Variants in PPP1R12B observed in about 807,000 individuals in gnomAD.
The protein encoded by PPP1R12B is protein phosphatase 1 regulatory subunit 12B.
PPP1R12B carries 76 observed loss-of-function variants against 126.1 expected under a neutral mutation model. That is an observed-to-expected ratio of 0.60 (90% CI 0.50 to 0.73). PPP1R12B has a LOEUF of 0.73. Ranked by LOEUF, PPP1R12B falls within the 30% of genes least tolerant of loss-of-function variation. The probability of loss-of-function intolerance (pLI) is 0.00; values close to 1 mark genes in which losing one functional copy is unlikely to be tolerated. For missense variants in PPP1R12B, 1,052 were observed against 1,205.1 expected, an observed-to-expected ratio of 0.87 and a Z score of 1.88; for synonymous variants, 356 against 434.7, an observed-to-expected ratio of 0.82 and a Z score of 2.25.
At chr1:202,471,912 C>A in intron 13 of PPP1R12B, 1 of 1,596,440 alleles carries the variant, frequency 6.3e-7, no homozygotes, top group Non-Finnish European at 8.5e-7. Context: ...CCTTGCTTTT[C>A]CTCCCGTAGG....
chr1:202,543,796 C>T (rs188680270), intron 18 of PPP1R12B, among the ~76,000 whole-genome samples: 76 of 152,244 alleles, frequency 5.0e-4, no homozygotes, highest in African/African-American at 1.8e-3. Flanking sequence ...TTCATCCATC[C>T]TTTTGGCATG....
intron 18 of PPP1R12B, among the ~76,000 whole-genome samples, chr1:202,524,395 G>C (rs536141484): frequency 6.6e-6 from 1 of 152,184 alleles, no homozygotes; most frequent in East Asian, 1.9e-4. Context: ...ATAGATTTTG[G>C]GGGAACAGGT....
At chr1:202,515,769 G>A (rs550505641) in intron 18 of PPP1R12B, among the ~76,000 whole-genome samples, 2 of 152,210 alleles carry the variant, frequency 1.3e-5, no homozygotes, top group Non-Finnish European at 2.9e-5. Context: ...TGCCTAGGCT[G>A]GTCTCAAACT....
intron 1 of PPP1R12B, among the ~76,000 whole-genome samples, chr1:202,376,882 C>G (rs899369396): frequency 6.6e-6 from 1 of 152,198 alleles, no homozygotes; most frequent in African/African-American, 2.4e-5. Context: ...CAACCTATGG[C>G]CCCTGAGGCC....
rs1192110653 is a variant in PPP1R12B, at chr1:202,495,620, C to T, written c.2386C>T (p.Arg796Ter). Residue 796 changes from arginine (R) to a stop codon, truncating the protein, a stop_gained, in exon 17 of 24, where the codon CGA becomes TGA. Coordinates refer to ENST00000608999, the MANE Select transcript of PPP1R12B (RefSeq NM_002481.4). LOFTEE classifies it high-confidence loss of function. ...DEQSSKRLSI[R>*]ERRRPKERRR... Reference sequence around the variant, plus strand: ...GCAGTCCTCTAAGAGGCTGTCCATCCGAGAGAGGAGGCGGCCCAAGGAACG... The same window carrying T: ...GCAGTCCTCTAAGAGGCTGTCCATCTGAGAGAGGAGGCGGCCCAAGGAACG... The T allele has an allele frequency of 6.2e-6, 10 of 1,613,946 alleles. No homozygotes were observed. Among genetic ancestry groups the T allele is most frequent in the African/African-American group, 1.3e-5 (1 of 74,884 alleles).
chr1:202,377,697 A>G (rs1368273125), intron 1 of PPP1R12B, among the ~76,000 whole-genome samples: 2 of 152,192 alleles, frequency 1.3e-5, no homozygotes, highest in African/African-American at 2.4e-5. Flanking sequence ...ACAGTAGCTT[A>G]TTAGCCTCTA....
rs1270020214 is a variant in PPP1R12B at position 202,586,446 on chromosome 1, C to A, written c.*5886C>A. 1 of 152,228 alleles carries A rather than the reference C, an allele frequency of 6.6e-6. No homozygotes were observed. The highest frequency in any genetic ancestry group is 6.5e-5 in the Admixed American group (1 of 15,284). 9.4% of individuals were successfully genotyped at this position (152,228 alleles called of 1,614,324 possible). A position where few individuals can be genotyped will look rare whatever the true frequency, so the allele number is the denominator to read the frequency against. ...GTTCTGTCTCACTGGTGACTTCATC[C>A]CTCAGGCTCCAGCTGAGCAGAGATT... On this transcript the variant is annotated 3_prime_UTR_variant, in exon 24 of 24. Transcript: ENST00000608999.
At chr1:202,495,270 C>G in intron 15 of PPP1R12B, 23 bp from the exon 16 acceptor site, 1 of 1,527,570 alleles carries the variant, frequency 6.5e-7, no homozygotes, top group Non-Finnish European at 8.8e-7. Context: ...TTTCTAATAT[C>G]TCATATTGTG....
chr1:202,371,300 C>T (rs1230289105), intron 1 of PPP1R12B, among the ~76,000 whole-genome samples: 3 of 151,362 alleles, frequency 2.0e-5, no homozygotes, highest in Non-Finnish European at 4.4e-5. Flanking sequence ...GGATTACAGG[C>T]GTGAGCCACT....
intron 1 of PPP1R12B, among the ~76,000 whole-genome samples, chr1:202,365,422 C>T (rs1273745614): frequency 6.6e-6 from 1 of 151,224 alleles, no homozygotes; most frequent in Non-Finnish European, 1.5e-5. Flanking sequence ...CAGAGTGAGA[C>T]AGTCTCTAAA....
intron 18 of PPP1R12B, among the ~76,000 whole-genome samples, chr1:202,534,274 C>T (rs924195740): frequency 6.6e-6 from 1 of 152,140 alleles, no homozygotes; most frequent in Non-Finnish European, 1.5e-5. Flanking sequence ...CACAAGAGAT[C>T]AGGCTCATTT....
intron 18 of PPP1R12B, among the ~76,000 whole-genome samples, chr1:202,497,542 T>C (rs1041930307): frequency 1.3e-5 from 2 of 152,242 alleles, no homozygotes; most frequent in Admixed American, 6.5e-5. Context: ...TCAGAGTATA[T>C]TTAATAACCT....
intron 8 of PPP1R12B, 80 bp downstream of exon 8, chr1:202,431,699 G>A: frequency 7.3e-7 from 1 of 1,366,378 alleles, no homozygotes; most frequent in South Asian, 1.6e-5. Context: ...AGCTAGCCAG[G>A]CCTCACAGGA....
intron 23 of PPP1R12B, among the ~76,000 whole-genome samples, chr1:202,571,708 G>A (rs1046049717): frequency 2.0e-5 from 3 of 152,116 alleles, no homozygotes; most frequent in Non-Finnish European, 2.9e-5. Context: ...CACCCACCTC[G>A]GCCTCCCAAA....
chr1:202,396,328 A>G (rs1330316165), intron 1 of PPP1R12B, among the ~76,000 whole-genome samples: 1 of 152,122 alleles, frequency 6.6e-6, no homozygotes, highest in Non-Finnish European at 1.5e-5. Flanking sequence ...ATGTTACTTA[A>G]TCTTCTAAAA....
chr1:202,368,597 C>T (rs1659693978), intron 1 of PPP1R12B, among the ~76,000 whole-genome samples: 2 of 152,172 alleles, frequency 1.3e-5, no homozygotes, highest in Non-Finnish European at 2.9e-5. Flanking sequence ...CTTCATCCTC[C>T]CCCAGGCTAC....
At chr1:202,372,950 T>C (rs527322237) in intron 1 of PPP1R12B, among the ~76,000 whole-genome samples, 196 of 152,196 alleles carry the variant, frequency 1.3e-3, no homozygotes, top group Non-Finnish European at 1.7e-3. Context: ...CTTTTTTTTT[T>C]GTAAGATGGA....
chr1:202,372,332 C>T (rs1660430472), intron 1 of PPP1R12B, among the ~76,000 whole-genome samples: 1 of 151,316 alleles, frequency 6.6e-6, no homozygotes, highest in South Asian at 2.1e-4. Context: ...AGCAAGACCC[C>T]ATCTCTAGAA....
chr1:202,433,304 T>G (rs565265279), intron 8 of PPP1R12B, among the ~76,000 whole-genome samples: 92 of 152,338 alleles, frequency 6.0e-4, no homozygotes, highest in African/African-American at 2.0e-3. Context: ...ATTGGAGGGA[T>G]CTGCCTGAAC....
Sources: allele counts gnomAD v4.1 joint callset (sites outside exome capture counted in the v4.1 genomes callset), GRCh38; gene constraint gnomAD v4.1.1; transcripts MANE v1.5; gene names NCBI Gene and HGNC (gene_info 2026-07-23, HGNC 2026-07-21).